CD164: variants seen among roughly 807,000 people sequenced by gnomAD.
CD164 encodes sialomucin core protein 24.
A neutral mutation model predicts 24.6 loss-of-function variants in CD164; 11 were observed. The ratio of observed to expected loss-of-function variants is 0.45; its 90% CI spans 0.28 to 0.74. The LOEUF (loss-of-function observed/expected upper bound fraction) is 0.74. Ranked by LOEUF, CD164 falls within the 30% of genes least tolerant of loss-of-function variation. The probability of loss-of-function intolerance (pLI) is 0.13; values close to 1 mark genes in which losing one functional copy is unlikely to be tolerated. For missense variants in CD164, 295 were observed against 243.7 expected, an observed-to-expected ratio of 1.21 and a Z score of -1.40; for synonymous variants, 126 against 100.3, an observed-to-expected ratio of 1.26 and a Z score of -1.53.
chr6:109,380,482 T>C (rs963300586), intron 1 of CD164: 9 of 152,218 alleles, frequency 5.9e-5, no homozygotes, highest in Admixed American at 6.5e-5. Flanking sequence ...GCCTAAAAAA[T>C]AGTTCTGCAG....
chr6:109,376,809 ATTAGT>A (rs1771436042), intron 3 of CD164, among the ~76,000 whole-genome samples: 1 of 152,250 alleles, frequency 6.6e-6, no homozygotes, highest in Non-Finnish European at 1.5e-5. Context: ...TCTGACAGTT[ATTAGT>A]TTATCTAACA....
intron 1 of CD164, 175 bp downstream of exon 1, chr6:109,382,029 C>T (rs1258693600): frequency 6.2e-6 from 3 of 486,038 alleles, no homozygotes; most frequent in African/African-American, 4.1e-5. Context: ...CCCCACCCGG[C>T]CCGGCCACGA....
At chr6:109,379,694 C>A in intron 1 of CD164, 32 bp from the exon 2 acceptor site, 1 of 1,505,296 alleles carries the variant, frequency 6.6e-7, no homozygotes, top group South Asian at 1.2e-5. Flanking sequence ...TGCATGAAAT[C>A]AATGATTTTA....
rs767974518 is a variant in CD164 at position 109,370,460 on chromosome 6, G to A, written c.378C>T (p.Pro126=). Residue 126 remains proline (P), a synonymous_variant, in exon 5 of 6, where the codon CCC becomes CCT. Coordinates refer to ENST00000310786, the MANE Select transcript of CD164 (RefSeq NM_006016.6). Reference sequence around the variant, plus strand: ...TTGTAGAAGGGGAGGGCTGAACTGTGGGTTTAGCTGGAATGAAAACAAAAT... The same window carrying A: ...TTGTAGAAGGGGAGGGCTGAACTGTAGGTTTAGCTGGAATGAAAACAAAAT... ...PVPTANSTAK[P]TVQPSPSTTS... is the part of the protein sequence containing the mutation. 4.7e-5 allele frequency: 76 copies of A among 1,611,572 alleles called. No individual in the cohort carries two copies. The highest frequency in any genetic ancestry group is 6.7e-5 in the Admixed American group (4 of 59,590).
intron 4 of CD164, chr6:109,371,826 G>C (rs2115147893): frequency 6.5e-6 from 1 of 153,018 alleles, no homozygotes; most frequent in South Asian, 2.1e-4. Flanking sequence ...AGGTAAGTCA[G>C]GCTTCAGAGT....
At chr6:109,375,627 A>AAAG (rs1771354743) in intron 4 of CD164, among the ~76,000 whole-genome samples, 1 of 144,668 alleles carries the variant, frequency 6.9e-6, no homozygotes, top group Non-Finnish European at 1.5e-5. Flanking sequence ...CAAAAAAAAA[A>AAAG]AAAGAAAAGA....
intron 3 of CD164, among the ~76,000 whole-genome samples, chr6:109,377,608 A>G (rs1771482590): frequency 6.6e-6 from 1 of 151,578 alleles, no homozygotes; most frequent in East Asian, 1.9e-4. Context: ...AGATGCAAAC[A>G]TAGCGGCTAA....
chr6:109,382,272 A>T lies in CD164; in HGVS notation c.107T>A (p.Leu36Ter). ...CGAGGTTACGTTGGAGATGGGCGCT[A>T]AAGTCGTCACGTTCGGGTGCTGGGT... is the stretch of plus-strand genomic sequence containing the variant. ...NTTQHPNVTT[L>*]APISNVTSAP... The change falls in exon 1 of 6, where the codon TTA becomes TAA. Residue 36 changes from leucine (L) to a stop codon, truncating the protein, a stop_gained. Transcript: ENST00000310786. LOFTEE classifies it high-confidence loss of function. 6.3e-7 allele frequency: 1 copy of T among 1,589,736 alleles called. No homozygotes were observed.
chr6:109,382,094 G>C (rs986812946), intron 1 of CD164, 110 bp downstream of exon 1: 2 of 991,784 alleles, frequency 2.0e-6, no homozygotes, highest in African/African-American at 1.7e-5. Flanking sequence ...CCCCGAGCGC[G>C]GCCCGCCCGC....
chr6:109,373,400 G>C (rs565168285), intron 4 of CD164, among the ~76,000 whole-genome samples: 1 of 152,190 alleles, frequency 6.6e-6, no homozygotes, highest in East Asian at 1.9e-4. Context: ...TTCGGCAGAC[G>C]GTACACATGC....
intron 1 of CD164, 58 bp downstream of exon 1, chr6:109,382,146 A>T (rs969234465): frequency 2.4e-5 from 33 of 1,356,916 alleles, no homozygotes; most frequent in Non-Finnish European, 3.2e-5. Flanking sequence ...CACGGCGAGG[A>T]GGCAGTGCGG....
At chr6:109,373,779 C>T (rs1272104277) in intron 4 of CD164, among the ~76,000 whole-genome samples, 1 of 152,238 alleles carries the variant, frequency 6.6e-6, no homozygotes, top group African/African-American at 2.4e-5. Flanking sequence ...TTTACGACCA[C>T]ATCACCATAT....
chr6:109,368,026 G>C lies in CD164; in HGVS notation c.*825C>G, dbSNP rs1253583593. On this transcript the variant is annotated 3_prime_UTR_variant, in exon 6 of 6. Coordinates refer to ENST00000310786, the MANE Select transcript of CD164 (RefSeq NM_006016.6). ...TTCTGTATAACAGACTTTAGCTTAA[G>C]TTTCTCCGCTCTGAAATAAATTTTC... is the stretch of plus-strand genomic sequence containing the variant. 3.3e-6 allele frequency: 1 copy of C among 300,394 alleles called. No individual in the cohort carries two copies. Among genetic ancestry groups the C allele is most frequent in the African/African-American group, 2.2e-5 (1 of 46,184 alleles). The allele number at this position is 300,394 out of a possible 1,614,324, so 18.6% of individuals were successfully genotyped here.
rs941523258 is a variant in CD164, at chr6:109,366,995, T to C, written c.*1856A>G. 5 of 152,278 alleles carry C rather than the reference T, an allele frequency of 3.3e-5. No individual in the cohort carries two copies. The highest frequency in any genetic ancestry group is 3.3e-4 in the Admixed American group (5 of 15,278). 9.4% of individuals were successfully genotyped at this position (152,278 alleles called of 1,614,324 possible). ...CAGGTAAATGACAATTACATCAGTA[T>C]AGCTAATTTTTGCCACCTTGGGAGG... On this transcript the variant is annotated 3_prime_UTR_variant, in exon 6 of 6. Transcript: ENST00000310786.
chr6:109,379,803 A>G, intron 1 of CD164, 141 bp from the exon 2 acceptor site: 1 of 614,824 alleles, frequency 1.6e-6, no homozygotes, highest in Non-Finnish European at 2.8e-6. Flanking sequence ...AAAACTTTAT[A>G]CTGGTTTACT....
At chr6:109,381,412 T>C in intron 1 of CD164, 1 of 680,048 alleles carries the variant, frequency 1.5e-6, no homozygotes, top group Non-Finnish European at 2.7e-6. Context: ...TAAGAAAATT[T>C]TAAAAACAAT....
rs765550558 is a variant in CD164 at position 109,367,983 on chromosome 6, A to G, written c.*868T>C. The G allele has an allele frequency of 6.2e-5, 14 of 224,236 alleles. No individual in the cohort carries two copies. The highest frequency in any genetic ancestry group is 1.2e-4 in the Non-Finnish European group (14 of 114,996). The allele number at this position is 224,236 out of a possible 1,614,324, so 13.9% of individuals were successfully genotyped here. On this transcript the variant is annotated 3_prime_UTR_variant, in exon 6 of 6. Transcript: ENST00000310786. Reference sequence around the variant, plus strand: ...CATAAGAAAAATGTTGGGAGGTTCAAGATACGAAGGCTTTCAATTCTGTAT... The same window carrying G: ...CATAAGAAAAATGTTGGGAGGTTCAGGATACGAAGGCTTTCAATTCTGTAT...
At position 109,382,244 on chromosome 6, in the gene CD164, C is replaced by T. The variant is rs758007715; in HGVS notation, c.135G>A (p.Ala45=). Residue 45 remains alanine (A), a synonymous_variant, in exon 1 of 6, where the codon GCG becomes GCA. Transcript: ENST00000310786. ...TLAPISNVTS[A]PVTSLPLVTT... Reference sequence around the variant, plus strand: ...TGACCAGCGGGAGGGACGTCACCGGCGCCGAGGTTACGTTGGAGATGGGCG... The same window carrying T: ...TGACCAGCGGGAGGGACGTCACCGGTGCCGAGGTTACGTTGGAGATGGGCG... The T allele has an allele frequency of 8.2e-6, 13 of 1,585,556 alleles. No individual in the cohort carries two copies. The highest frequency in any genetic ancestry group is 1.3e-5 in the African/African-American group (1 of 74,314).
At chr6:109,371,278 T>A (rs535370539) in intron 4 of CD164, 4 of 151,206 alleles carry the variant, frequency 2.6e-5, no homozygotes, top group Non-Finnish European at 5.9e-5. Flanking sequence ...TGAGATGGAG[T>A]CTCGCTCTGT....
Sources: gnomAD v4.1 joint callset for allele counts (sites outside exome capture counted in the v4.1 genomes callset) on GRCh38, gnomAD v4.1.1 for gene constraint, MANE v1.5 for transcripts, NCBI Gene and HGNC (gene_info 2026-07-23, HGNC 2026-07-21) for gene names.